STX18: variants seen among roughly 807,000 people sequenced by gnomAD.
STX18 encodes syntaxin-18.
STX18 carries 40 observed loss-of-function variants against 50.1 expected under a neutral mutation model. The ratio of observed to expected loss-of-function variants is 0.80; its 90% CI spans 0.62 to 1.04. STX18 has a LOEUF of 1.04. Among genes scored for constraint, STX18 ranks in the 50% least tolerant of loss-of-function variants. STX18 has a pLI of 0.00. For missense variants in STX18, 410 were observed against 415.8 expected, an observed-to-expected ratio of 0.99 and a Z score of 0.12; for synonymous variants, 158 against 151.8, an observed-to-expected ratio of 1.04 and a Z score of -0.30.
rs1731434090 is a variant in STX18 at position 4,538,295 on chromosome 4, A to G, written c.168+3502T>C. On this transcript the variant is annotated intron_variant, in intron 1 of 10. Coordinates refer to ENST00000306200, the MANE Select transcript of STX18 (RefSeq NM_016930.4). Reference sequence around the variant, plus strand: ...GAAATTAGCACTGGCTTCCATGATCACAAGGAAGAAAAGAAAGTAAAAGCT... The same window carrying G: ...GAAATTAGCACTGGCTTCCATGATCGCAAGGAAGAAAAGAAAGTAAAAGCT... Among the ~76,000 whole-genome samples the G allele has an allele frequency of 2.6e-5, 4 of 152,174 alleles. No homozygotes were observed. The South Asian group carries it at 8.3e-4, about 32-fold the overall frequency.
At chr4:4,538,570 G>C (rs1280861021) in intron 1 of STX18, among the ~76,000 whole-genome samples, 1 of 142,134 alleles carries the variant, frequency 7.0e-6, no homozygotes, top group Admixed American at 7.3e-5. Context: ...TGAGGAGGGG[G>C]GAGGTAGTTT....
intron 1 of STX18, among the ~76,000 whole-genome samples, chr4:4,504,088 A>G (rs1729584058): frequency 6.6e-6 from 1 of 152,328 alleles, no homozygotes; most frequent in East Asian, 1.9e-4. Context: ...CGTATTTACA[A>G]ATAAAATTCT....
At chr4:4,450,781 G>A (rs947828387) in intron 5 of STX18, among the ~76,000 whole-genome samples, 9 of 152,122 alleles carry the variant, frequency 5.9e-5, no homozygotes, top group South Asian at 4.1e-4. Context: ...GACTGCAGAC[G>A]CCCACCTTAC....
At position 4,459,436 on chromosome 4, in the gene STX18, T is replaced by C; in HGVS notation, c.288A>G (p.Ile96Met). ...GRMTDTERDQ[I>M]DQDAQIFMRT... The stretch of plus-strand genomic sequence containing the variant: ...TCATGAATATCTGGGCATCCTGGTC[T>C]ATCTGGTCTCGTTCTGTGTCTGTCA... The change falls in exon 3 of 11, where the codon ATA becomes ATG. Residue 96 changes from isoleucine to methionine, a missense_variant. Ile to Met is a conservative substitution (Grantham distance 10). Coordinates refer to ENST00000306200, the MANE Select transcript of STX18 (RefSeq NM_016930.4). The C allele has an allele frequency of 6.2e-7, 1 of 1,614,178 alleles. No homozygotes were observed. The highest frequency in any genetic ancestry group is 1.3e-5 in the African/African-American group (1 of 75,062).
At chr4:4,513,833 T>C (rs749353951) in intron 1 of STX18, among the ~76,000 whole-genome samples, 2 of 152,186 alleles carry the variant, frequency 1.3e-5, no homozygotes, top group Admixed American at 6.5e-5. Flanking sequence ...GAGACAATCA[T>C]AAACTTCTAT....
intron 6 of STX18, among the ~76,000 whole-genome samples, chr4:4,435,749 G>A (rs1725742406): frequency 6.6e-6 from 1 of 152,222 alleles, no homozygotes; most frequent in South Asian, 2.1e-4. Flanking sequence ...ACTGCTGAAA[G>A]GGAGCGTAGG....
intron 1 of STX18, among the ~76,000 whole-genome samples, chr4:4,511,693 A>G (rs946723288): frequency 1.3e-5 from 2 of 149,676 alleles, no homozygotes; most frequent in Non-Finnish European, 3.0e-5. Context: ...ACATACAATC[A>G]CCAAACAACA....
At position 4,420,669 on chromosome 4, in the gene STX18, C is replaced by T. The variant is rs924555277; in HGVS notation, c.912+195G>A. Reference sequence around the variant, plus strand: ...TGGAGGCTGGTGAGCCACTGCCTCTCGAAAGCAGCTGGAGGTGGGCGACAG... The same window carrying T: ...TGGAGGCTGGTGAGCCACTGCCTCTTGAAAGCAGCTGGAGGTGGGCGACAG... On this transcript the variant is annotated intron_variant, in intron 10 of 10. Transcript: ENST00000306200. The surrounding 1 kb of genome is among the most constrained non-coding windows in gnomAD (Gnocchi z 4.3). 2.8e-5 allele frequency: 16 copies of T among 581,506 alleles called. No individual in the cohort carries two copies. The highest frequency in any genetic ancestry group is 4.3e-5 in the Non-Finnish European group (14 of 329,286). The allele number at this position is 581,506 out of a possible 1,614,324, so 36.0% of individuals were successfully genotyped here. A position where few individuals can be genotyped will look rare whatever the true frequency, so the allele number is the denominator to read the frequency against.
intron 1 of STX18, among the ~76,000 whole-genome samples, chr4:4,530,297 T>G (rs1560212803): frequency 6.6e-6 from 1 of 151,372 alleles, no homozygotes; most frequent in Non-Finnish European, 1.5e-5. Context: ...ATGCCTAGAG[T>G]TTTTTGGGTT....
chr4:4,428,163 T>C (rs1342106840), intron 7 of STX18, among the ~76,000 whole-genome samples: 2 of 152,310 alleles, frequency 1.3e-5, no homozygotes, highest in Non-Finnish European at 2.9e-5. Flanking sequence ...TGTTGCCAGG[T>C]GGCAGGCATA....
chr4:4,537,408 C>T (rs114955887), intron 1 of STX18, among the ~76,000 whole-genome samples: 2,388 of 152,270 alleles, frequency 0.016, 68 homozygotes, highest in African/African-American at 0.053. Context: ...GTGGGGGCTA[C>T]ATAGCATCCA....
chr4:4,458,255 T>C (rs1006414383), intron 3 of STX18, among the ~76,000 whole-genome samples: 7 of 152,322 alleles, frequency 4.6e-5, no homozygotes, highest in South Asian at 4.1e-4. Context: ...CATATGTAAA[T>C]GTAGGTTTTG....
At chr4:4,492,872 A>C (rs1729003621) in intron 1 of STX18, among the ~76,000 whole-genome samples, 1 of 152,198 alleles carries the variant, frequency 6.6e-6, no homozygotes. Flanking sequence ...TTAAAATGTC[A>C]AAGTTTTTAA....
At chr4:4,471,763 A>C (rs1033502410) in intron 1 of STX18, 57 bp from the exon 2 acceptor site, 1 of 1,226,270 alleles carries the variant, frequency 8.2e-7, no homozygotes, top group East Asian at 2.4e-5. Flanking sequence ...TCATGTAATG[A>C]ATTTTAAATT....
chr4:4,472,429 G>T (rs1309882586), intron 1 of STX18, among the ~76,000 whole-genome samples: 1 of 152,344 alleles, frequency 6.6e-6, no homozygotes, highest in Non-Finnish European at 1.5e-5. Context: ...ATGATTACTA[G>T]CCAGTGGCCT....
At chr4:4,538,954 T>C (rs1363613292) in intron 1 of STX18, among the ~76,000 whole-genome samples, 1 of 152,202 alleles carries the variant, frequency 6.6e-6, no homozygotes. Context: ...TGTAATTTAA[T>C]GGGTAGACAT....
chr4:4,511,818 A>G (rs1348198962), intron 1 of STX18, among the ~76,000 whole-genome samples: 2 of 151,452 alleles, frequency 1.3e-5, no homozygotes, highest in East Asian at 3.9e-4. Context: ...GCTTTCCAAA[A>G]CAGAAGGAGA....
At chr4:4,484,791 T>C (rs1383049424) in intron 1 of STX18, among the ~76,000 whole-genome samples, 1 of 152,238 alleles carries the variant, frequency 6.6e-6, no homozygotes, top group Non-Finnish European at 1.5e-5. Flanking sequence ...CTCAGGCTTC[T>C]GAATCCCTGC....
intron 1 of STX18, among the ~76,000 whole-genome samples, chr4:4,535,223 A>G (rs1004656312): frequency 5.9e-5 from 9 of 152,212 alleles, no homozygotes; most frequent in African/African-American, 2.2e-4. Context: ...TATGCCTCAT[A>G]GTTTTTTTAT....
Sources: gnomAD v4.1 joint callset for allele counts (sites outside exome capture counted in the v4.1 genomes callset) on GRCh38, gnomAD v4.1.1 for gene constraint, Gnocchi (gnomAD v3.1) non-coding constraint, MANE v1.5 for transcripts, NCBI Gene and HGNC (gene_info 2026-07-23, HGNC 2026-07-21) for gene names.